The following EBF2 variants were observed in gnomAD, a reference collection of about 807,000 sequenced individuals.
EBF2 encodes the protein EBF transcription factor 2.
Under a neutral mutation model 72.8 loss-of-function variants are expected in EBF2, and 21 were observed. The observed-to-expected ratio is 0.29, with a 90% CI of 0.20 to 0.42. The LOEUF is 0.42. Among genes scored for constraint, EBF2 ranks in the 10% least tolerant of loss-of-function variants. The pLI is 1.00. For synonymous variants in EBF2, 299 were observed against 274.2 expected (o/e 1.09, Z -0.89); for missense variants, 637 against 731.2 (o/e 0.87, Z 1.49).
chr8:25,899,103 C>T (rs184206086), intron 7 of EBF2, among the ~76,000 whole-genome samples: 22 of 152,218 alleles, frequency 1.4e-4, no homozygotes, highest in African/African-American at 4.3e-4. Flanking sequence ...ATTCTTGTCC[C>T]CATTCAAGAC....
chr8:26,005,020 T>C (rs1040970611), intron 6 of EBF2, among the ~76,000 whole-genome samples: 3 of 150,072 alleles, frequency 2.0e-5, no homozygotes, highest in African/African-American at 7.4e-5. Context: ...AGACAAGAAA[T>C]AGAAAGAAGA....
chr8:25,933,588 A>G (rs1803518730), intron 6 of EBF2, among the ~76,000 whole-genome samples: 1 of 152,182 alleles, frequency 6.6e-6, no homozygotes, highest in Non-Finnish European at 1.5e-5. Flanking sequence ...GGATTTGTCC[A>G]AAAAAAGAGT....
intron 6 of EBF2, among the ~76,000 whole-genome samples, chr8:26,010,617 G>A (rs531848640): frequency 2.0e-5 from 3 of 152,230 alleles, no homozygotes; most frequent in South Asian, 2.1e-4. Flanking sequence ...CTGGGCCGCC[G>A]TGCTGCAGCT....
chr8:25,889,631 A>C, intron 8 of EBF2, 121 bp downstream of exon 8: 3 of 773,762 alleles, frequency 3.9e-6, no homozygotes, highest in Non-Finnish European at 6.3e-6. Context: ...TAAAAAAAAA[A>C]AAACCCACAT....
chr8:25,849,835 A>T (rs1460764950), intron 15 of EBF2, among the ~76,000 whole-genome samples: 4 of 152,176 alleles, frequency 2.6e-5, no homozygotes, highest in Admixed American at 6.5e-5. Flanking sequence ...TATCAATTTG[A>T]CTTGCATGTA....
At chr8:25,913,623 A>G (rs1025750763) in intron 6 of EBF2, among the ~76,000 whole-genome samples, 2 of 152,158 alleles carry the variant, frequency 1.3e-5, no homozygotes, top group South Asian at 2.1e-4. Context: ...AACTTCTGCT[A>G]TGATAATGGC....
chr8:26,038,356 A>C (rs1321887098), intron 5 of EBF2, among the ~76,000 whole-genome samples: 6 of 152,212 alleles, frequency 3.9e-5, no homozygotes. Context: ...ATGCAGACTA[A>C]ACTAGAGGCT....
At chr8:25,958,977 G>A (rs1360848792) in intron 6 of EBF2, among the ~76,000 whole-genome samples, 3 of 152,296 alleles carry the variant, frequency 2.0e-5, no homozygotes, top group South Asian at 2.1e-4. Context: ...AAAGCTGAAC[G>A]GCTGCTGTCA....
chr8:25,900,734 T>G (rs1215545918), intron 7 of EBF2, among the ~76,000 whole-genome samples: 1 of 151,864 alleles, frequency 6.6e-6, no homozygotes, highest in Non-Finnish European at 1.5e-5. Flanking sequence ...TGAAGTTCAT[T>G]AAAAACTAAC....
chr8:25,955,525 A>G (rs983847602), intron 6 of EBF2, among the ~76,000 whole-genome samples: 2 of 152,244 alleles, frequency 1.3e-5, no homozygotes, highest in African/African-American at 4.8e-5. Flanking sequence ...TCCTGTGTCC[A>G]GGCACATAAA....
At chr8:25,887,710 C>T (rs1187004303) in intron 9 of EBF2, 132 bp downstream of exon 9, 5 of 1,102,846 alleles carry the variant, frequency 4.5e-6, no homozygotes, top group Admixed American at 6.7e-5. Flanking sequence ...GGATACTTAT[C>T]TTCTTAAGAA....
At chr8:25,985,643 C>G (rs1804437767) in intron 6 of EBF2, among the ~76,000 whole-genome samples, 1 of 152,100 alleles carries the variant, frequency 6.6e-6, no homozygotes, top group South Asian at 2.1e-4. Flanking sequence ...AAAGATTATT[C>G]ATGGTCCAGC....
intron 10 of EBF2, among the ~76,000 whole-genome samples, chr8:25,868,273 T>C (rs1204938550): frequency 6.6e-6 from 1 of 152,240 alleles, no homozygotes; most frequent in Non-Finnish European, 1.5e-5. Context: ...ATGTGCCTTT[T>C]GGAATTTATT....
intron 6 of EBF2, among the ~76,000 whole-genome samples, chr8:25,955,066 G>T (rs1282798290): frequency 6.6e-6 from 1 of 152,202 alleles, no homozygotes; most frequent in African/African-American, 2.4e-5. Context: ...AGGAGGGCAC[G>T]GAGCGCATCC....
rs765573659 is a variant in EBF2 at position 26,044,681 on chromosome 8, A to C, written c.131+48T>G. 1.9e-6 allele frequency: 3 copies of C among 1,595,898 alleles called. No homozygotes were observed. The highest frequency in any genetic ancestry group is 2.2e-5 in the South Asian group (2 of 89,672). ...GGGGGGGGTGCACACGGAGAGACAG[A>C]CCGTAAGAGCGAGAGACAGCATAAT... On this transcript the variant is annotated intron_variant, in intron 1 of 15. Coordinates refer to ENST00000520164, the MANE Select transcript of EBF2 (RefSeq NM_022659.4). This position sits in a 1 kb window ranked among gnomAD's most constrained non-coding sequence, Gnocchi z 4.1.
intron 6 of EBF2, among the ~76,000 whole-genome samples, chr8:25,957,239 C>T (rs929983722): frequency 1.3e-5 from 2 of 152,192 alleles, no homozygotes; most frequent in African/African-American, 4.8e-5. Flanking sequence ...TAATGAAGAT[C>T]ATGATGCTTT....
chr8:25,919,271 G>A (rs1803271530), intron 6 of EBF2, among the ~76,000 whole-genome samples: 1 of 152,196 alleles, frequency 6.6e-6, no homozygotes, highest in Admixed American at 6.5e-5. Flanking sequence ...TCAGAGCAGG[G>A]TGGGAATCTG....
At chr8:25,852,552 G>A (rs1056747912) in intron 14 of EBF2, among the ~76,000 whole-genome samples, 9 of 152,088 alleles carry the variant, frequency 5.9e-5, no homozygotes, top group Admixed American at 3.3e-4. Context: ...TGACTCACTA[G>A]TACAGATAAT....
intron 7 of EBF2, among the ~76,000 whole-genome samples, chr8:25,893,508 C>T (rs1370857130): frequency 1.3e-5 from 2 of 151,888 alleles, no homozygotes; most frequent in East Asian, 1.9e-4. Flanking sequence ...GAGCTTCTTA[C>T]CTTAAGTGAT....
Sources: gnomAD v4.1 joint callset for allele counts (sites outside exome capture counted in the v4.1 genomes callset) on GRCh38, gnomAD v4.1.1 for gene constraint, Gnocchi (gnomAD v3.1) non-coding constraint, MANE v1.5 for transcripts, NCBI Gene and HGNC (gene_info 2026-07-23, HGNC 2026-07-21) for gene names.